The following DTNA variants were observed in gnomAD, a reference collection of about 807,000 sequenced individuals.
DTNA encodes the protein dystrobrevin alpha, also known as dystrophin-related protein 3.
A neutral mutation model predicts 100.7 loss-of-function variants in DTNA; 43 were observed. The observed-to-expected ratio is 0.43, with a 90% CI of 0.33 to 0.55. The LOEUF (loss-of-function observed/expected upper bound fraction) is 0.55. Ranked by LOEUF, DTNA falls within the 20% of genes least tolerant of loss-of-function variation. The pLI is 0.04. For missense variants in DTNA, 798 were observed against 953.9 expected, an observed-to-expected ratio of 0.84 and a Z score of 2.15; for synonymous variants, 349 against 347.9, an observed-to-expected ratio of 1.00 and a Z score of -0.04.
intron 15 of DTNA, among the ~76,000 whole-genome samples, chr18:34,853,670 A>T (rs535247033): frequency 6.6e-6 from 1 of 152,136 alleles, no homozygotes; most frequent in South Asian, 2.1e-4. Flanking sequence ...ATTTAAAAAT[A>T]AAATTAAAAA....
At chr18:34,818,886 C>G (rs1370982683) in intron 8 of DTNA, among the ~76,000 whole-genome samples, 1 of 151,984 alleles carries the variant, frequency 6.6e-6, no homozygotes, top group Admixed American at 6.6e-5. Context: ...TGTGAGTGAC[C>G]AACCTGGCAA....
intron 1 of DTNA, among the ~76,000 whole-genome samples, chr18:34,638,237 G>A (rs2058865567): frequency 1.3e-5 from 2 of 152,180 alleles, no homozygotes; most frequent in South Asian, 4.1e-4. Flanking sequence ...TGGAATTATT[G>A]TTAAGTCTTG....
intron 1 of DTNA, among the ~76,000 whole-genome samples, chr18:34,601,794 C>G (rs987891947): frequency 1.3e-5 from 2 of 152,194 alleles, no homozygotes; most frequent in African/African-American, 2.4e-5. Flanking sequence ...CTATGGAATT[C>G]TAGGATTTTA....
At chr18:34,504,391 G>A (rs537943306) in intron 1 of DTNA, among the ~76,000 whole-genome samples, 1 of 152,292 alleles carries the variant, frequency 6.6e-6, no homozygotes, top group Non-Finnish European at 1.5e-5. Context: ...AGCAAAGAAG[G>A]AAGGTCTGTT....
chr18:34,806,419 G>A, intron 5 of DTNA, 115 bp downstream of exon 5: 1 of 892,632 alleles, frequency 1.1e-6, no homozygotes, highest in South Asian at 1.4e-5. Context: ...TTCTATGAGA[G>A]TTGTTTGAAA....
At chr18:34,703,118 G>T (rs114247751) in intron 1 of DTNA, among the ~76,000 whole-genome samples, 1 of 152,164 alleles carries the variant, frequency 6.6e-6, no homozygotes, top group African/African-American at 2.4e-5. Context: ...AAGCTCAACC[G>T]CAGGATTGAA....
At chr18:34,539,323 T>G (rs1052854587) in intron 1 of DTNA, among the ~76,000 whole-genome samples, 1 of 152,112 alleles carries the variant, frequency 6.6e-6, no homozygotes, top group Non-Finnish European at 1.5e-5. Flanking sequence ...CATTTTGAAT[T>G]TAAAATTTGA....
chr18:34,849,937 A>C (rs1179055585), intron 14 of DTNA, among the ~76,000 whole-genome samples: 2 of 152,222 alleles, frequency 1.3e-5, no homozygotes. Flanking sequence ...ATCTCCATGC[A>C]CATGTTATTA....
intron 1 of DTNA, among the ~76,000 whole-genome samples, chr18:34,652,677 A>C (rs559652206): frequency 1.5e-3 from 230 of 152,314 alleles, no homozygotes; most frequent in African/African-American, 5.1e-3. Flanking sequence ...AGATGCTTCA[A>C]CTGACATAAT....
rs528030507 is a variant in DTNA, at chr18:34,555,326, G to A, written c.-2+61812G>A. On this transcript the variant is annotated intron_variant, in intron 1 of 19. Transcript: ENST00000283365. The stretch of plus-strand genomic sequence containing the variant: ...TTTTGTTGATCATTTCAAAAAACCA[G>A]CTCCTGGATTCATTAATTTTTTGAA... 4.7e-5 allele frequency among the ~76,000 whole-genome samples: 7 copies of A among 149,208 alleles called. No individual in the cohort carries two copies. The East Asian group carries it at 1.4e-3, about 29-fold the overall frequency.
intron 1 of DTNA, among the ~76,000 whole-genome samples, chr18:34,699,761 A>G (rs1488539121): frequency 1.3e-5 from 2 of 152,238 alleles, no homozygotes; most frequent in Admixed American, 6.5e-5. Context: ...TAAGTAACTA[A>G]TAAATCTGTT....
At chr18:34,695,309 ATAT>A (rs546579750) in intron 1 of DTNA, among the ~76,000 whole-genome samples, 124 of 152,294 alleles carry the variant, frequency 8.1e-4, no homozygotes, top group Admixed American at 1.4e-3. Context: ...TTTCACTAAA[ATAT>A]TATTAATCCA....
At chr18:34,501,651 A>C (rs906630856) in intron 1 of DTNA, among the ~76,000 whole-genome samples, 1 of 152,132 alleles carries the variant, frequency 6.6e-6, no homozygotes, top group Non-Finnish European at 1.5e-5. Context: ...TTTAATATCT[A>C]TATTAGTGTG....
chr18:34,766,570 G>A lies in DTNA; in HGVS notation c.148+529G>A, dbSNP rs1050370847. Among the ~76,000 whole-genome samples the A allele has an allele frequency of 7.9e-5, 12 of 152,218 alleles. No individual in the cohort carries two copies. The East Asian group carries it at 2.3e-3, about 29-fold the overall frequency. On this transcript the variant is annotated intron_variant, in intron 3 of 22. Coordinates refer to ENST00000444659, the MANE Select transcript of DTNA (RefSeq NM_001386795.1). The stretch of plus-strand genomic sequence containing the variant: ...GATAGCATTAGGAGATATACCTAAT[G>A]TAAATGACGAGTTAATGGGTGCAGC...
intron 1 of DTNA, among the ~76,000 whole-genome samples, chr18:34,711,240 T>C (rs1313526048): frequency 6.6e-6 from 1 of 152,176 alleles, no homozygotes; most frequent in Non-Finnish European, 1.5e-5. Context: ...CCTGGCAGCT[T>C]GTTTCAAAAT....
At chr18:34,781,083 A>G (rs1016830416) in intron 3 of DTNA, among the ~76,000 whole-genome samples, 8 of 152,236 alleles carry the variant, frequency 5.3e-5, no homozygotes, top group Non-Finnish European at 1.0e-4. Context: ...CAGCTGCATC[A>G]ACCTGGTTAA....
chr18:34,584,239 T>C (rs1214065897), intron 1 of DTNA, among the ~76,000 whole-genome samples: 1 of 150,680 alleles, frequency 6.6e-6, no homozygotes, highest in Non-Finnish European at 1.5e-5. Context: ...CCATAATACA[T>C]TGCTTGAGCA....
At chr18:34,555,407 C>A (rs2045924471) in intron 1 of DTNA, among the ~76,000 whole-genome samples, 1 of 151,268 alleles carries the variant, frequency 6.6e-6, no homozygotes, top group Non-Finnish European at 1.5e-5. Context: ...TTATTTCTTG[C>A]CTTCTACTAG....
intron 4 of DTNA, among the ~76,000 whole-genome samples, chr18:34,796,953 C>T (rs1045221272): frequency 4.6e-5 from 7 of 152,138 alleles, no homozygotes; most frequent in African/African-American, 1.2e-4. Context: ...AAAAAACATC[C>T]GGATCTCAAT....
Sources: gnomAD v4.1 joint callset for allele counts (sites outside exome capture counted in the v4.1 genomes callset) on GRCh38, gnomAD v4.1.1 for gene constraint, MANE v1.5 for transcripts, NCBI Gene and HGNC (gene_info 2026-07-23, HGNC 2026-07-21) for gene names.